The following DCAF7 variants were observed in gnomAD, a reference collection of about 807,000 sequenced individuals.
DCAF7 encodes the protein DDB1 and CUL4 associated factor 7, also known as DDB1- and CUL4-associated factor 7.
DCAF7 carries 4 observed loss-of-function variants against 41.2 expected under a neutral mutation model. The ratio of observed to expected loss-of-function variants is 0.10; its 90% CI spans 0.05 to 0.22. DCAF7 has a LOEUF of 0.22. Among genes scored for constraint, DCAF7 ranks in the 10% least tolerant of loss-of-function variants. The probability of loss-of-function intolerance (pLI) is 1.00; values close to 1 mark genes in which losing one functional copy is unlikely to be tolerated. For missense variants in DCAF7, 131 were observed against 443.2 expected, an observed-to-expected ratio of 0.30 and a Z score of 6.32; for synonymous variants, 143 against 164.2, an observed-to-expected ratio of 0.87 and a Z score of 0.99.
At chr17:63,554,815 A>G (rs1037504440) in intron 1 of DCAF7, among the ~76,000 whole-genome samples, 4 of 152,230 alleles carry the variant, frequency 2.6e-5, no homozygotes, top group African/African-American at 7.2e-5. Context: ...AGAGAATTAT[A>G]TGGCTGTTTA....
In DCAF7 at chr17:63,590,763, T is replaced by G. The variant is rs1005895748; in HGVS notation, c.*1591T>G. 11 of 152,294 alleles carry G rather than the reference T, an allele frequency of 7.2e-5. No individual in the cohort carries two copies. Among genetic ancestry groups the G allele is most frequent in the African/African-American group, 2.7e-4 (11 of 41,434 alleles). 9.4% of individuals were successfully genotyped at this position (152,294 alleles called of 1,614,324 possible). ...GAGTAGCAGGCCTGAAGGATGATGGTTTTGTCCTCTTTGGTTCTCACCTGC... is the reference window on the plus strand; with the variant it reads ...GAGTAGCAGGCCTGAAGGATGATGGGTTTGTCCTCTTTGGTTCTCACCTGC... On this transcript the variant is annotated 3_prime_UTR_variant, in exon 7 of 7. Transcript: ENST00000614556.
chr17:63,573,779 T>G (rs1391383938), intron 1 of DCAF7, among the ~76,000 whole-genome samples: 1 of 152,032 alleles, frequency 6.6e-6, no homozygotes, highest in Non-Finnish European at 1.5e-5. Flanking sequence ...ACTTTTTAGT[T>G]CCATGTAAAA....
intron 4 of DCAF7, among the ~76,000 whole-genome samples, chr17:63,582,127 G>A (rs1052746430): frequency 6.6e-6 from 1 of 152,188 alleles, no homozygotes; most frequent in Non-Finnish European, 1.5e-5. Flanking sequence ...AGAAAGCCTC[G>A]ATCTGTCAGG....
At chr17:63,555,450 CAATTACTTT>C (rs958253926) in intron 1 of DCAF7, among the ~76,000 whole-genome samples, 13 of 152,296 alleles carry the variant, frequency 8.5e-5, no homozygotes, top group African/African-American at 3.1e-4. Context: ...GTTTTTAATA[CAATTACTTT>C]ATATGTTTGA....
chr17:63,562,351 G>A (rs1328413076), intron 1 of DCAF7, among the ~76,000 whole-genome samples: 1 of 152,100 alleles, frequency 6.6e-6, no homozygotes, highest in Non-Finnish European at 1.5e-5. Context: ...AAGTTGATCA[G>A]GAAATTTGTC....
chr17:63,570,282 C>T (rs532098795), intron 1 of DCAF7, among the ~76,000 whole-genome samples: 1 of 151,500 alleles, frequency 6.6e-6, no homozygotes, highest in Non-Finnish European at 1.5e-5. Context: ...AGCAAAACCC[C>T]GTCTCTACAA....
At chr17:63,565,752 C>T (rs2033433476) in intron 1 of DCAF7, among the ~76,000 whole-genome samples, 1 of 152,068 alleles carries the variant, frequency 6.6e-6, no homozygotes, top group Non-Finnish European at 1.5e-5. Flanking sequence ...CATGTAAGTG[C>T]TCAGTTATTA....
At chr17:63,571,054 C>T (rs61295519) in intron 1 of DCAF7, among the ~76,000 whole-genome samples, 6,668 of 151,800 alleles carry the variant, frequency 0.044, 483 homozygotes, top group African/African-American at 0.15. Context: ...GGTGCGATGG[C>T]GGGTGCCTGT....
chr17:63,560,284 G>A (rs1055798445), intron 1 of DCAF7, among the ~76,000 whole-genome samples: 1 of 152,220 alleles, frequency 6.6e-6, no homozygotes, highest in East Asian at 1.9e-4. Context: ...TTTCCACCTG[G>A]TAGTTCCGCT....
At chr17:63,566,339 C>A (rs1298993192) in intron 1 of DCAF7, among the ~76,000 whole-genome samples, 1 of 150,098 alleles carries the variant, frequency 6.7e-6, no homozygotes, top group Non-Finnish European at 1.5e-5. Flanking sequence ...CCACTGCACA[C>A]CAGCCTGGGC....
chr17:63,575,438 G>A (rs556052658), intron 1 of DCAF7, among the ~76,000 whole-genome samples: 6 of 152,308 alleles, frequency 3.9e-5, no homozygotes, highest in South Asian at 2.1e-4. Context: ...AGTGGTTCAC[G>A]CCTGTAATAT....
At chr17:63,586,773 A>AT (rs1265304408) in intron 6 of DCAF7, among the ~76,000 whole-genome samples, 4 of 152,178 alleles carry the variant, frequency 2.6e-5, no homozygotes, top group Non-Finnish European at 5.9e-5. Context: ...AAAAAAAAAA[A>AT]GAAAAATATG....
intron 1 of DCAF7, among the ~76,000 whole-genome samples, chr17:63,563,848 A>T (rs1281749992): frequency 6.6e-6 from 1 of 151,806 alleles, no homozygotes. Flanking sequence ...TAAATAAATA[A>T]TAAAAATAAG....
At position 63,580,175 on chromosome 17, in the gene DCAF7, C is replaced by T. The variant is rs546664997; in HGVS notation, c.528+232C>T. On this transcript the variant is annotated intron_variant, in intron 4 of 6. Transcript: ENST00000614556. ...ACCTATTCTACGGTCTGTCATTGTT[C>T]TTTTCATGCCAGAGGTTGCTTTTTT... Among the ~76,000 whole-genome samples the T allele has an allele frequency of 4.6e-5, 7 of 152,116 alleles. 1 individual carries two copies. In the South Asian group the frequency reaches 1.5e-3, roughly 32 times the overall value.
intron 1 of DCAF7, among the ~76,000 whole-genome samples, chr17:63,558,689 C>CA (rs1459609930): frequency 6.6e-6 from 1 of 152,184 alleles, no homozygotes; most frequent in Non-Finnish European, 1.5e-5. Context: ...CTCCTGACCT[C>CA]AAACAGTCCT....
intron 4 of DCAF7, among the ~76,000 whole-genome samples, chr17:63,582,651 A>G (rs1181823081): frequency 6.6e-6 from 1 of 151,876 alleles, no homozygotes; most frequent in Non-Finnish European, 1.5e-5. Context: ...TTGTATTTTT[A>G]GTAGAGATGG....
chr17:63,561,010 C>T (rs958551859), intron 1 of DCAF7, among the ~76,000 whole-genome samples: 30 of 152,224 alleles, frequency 2.0e-4, no homozygotes, highest in African/African-American at 6.0e-4. Flanking sequence ...TGGCTCATGC[C>T]TGTAATCCCA....
intron 1 of DCAF7, among the ~76,000 whole-genome samples, 189 bp downstream of exon 1, chr17:63,551,004 C>T (rs1426503292): frequency 6.6e-6 from 1 of 152,260 alleles, no homozygotes; most frequent in Non-Finnish European, 1.5e-5. Context: ...AGGCAGCATT[C>T]TTGTGTAGTC....
At position 63,559,389 on chromosome 17, in the gene DCAF7, A is replaced by ATATATATGTG. The variant is rs1490432478; in HGVS notation, c.138+8581_138+8582insGTGTATATAT. ...TATATATATATGTGTATATATATGT[A>ATATATATGTG]TATATATATGTATATATATGTATAT... On this transcript the variant is annotated intron_variant, in intron 1 of 6. Coordinates refer to ENST00000614556, the MANE Select transcript of DCAF7 (RefSeq NM_005828.5). Among the ~76,000 whole-genome samples the ATATATATGTG allele has an allele frequency of 4.1e-3, 195 of 47,612 alleles. 12 individuals carry two copies. Among genetic ancestry groups the ATATATATGTG allele is most frequent in the African/African-American group, 0.019 (184 of 9,774 alleles). 31.2% of individuals were successfully genotyped at this position (47,612 alleles called of 152,430 possible). A position where few individuals can be genotyped will look rare whatever the true frequency, so the allele number is the denominator to read the frequency against.
Sources: allele counts gnomAD v4.1 joint callset (sites outside exome capture counted in the v4.1 genomes callset), GRCh38; gene constraint gnomAD v4.1.1; transcripts MANE v1.5; gene names NCBI Gene and HGNC (gene_info 2026-07-23, HGNC 2026-07-21).